The following ANK3 variants were observed in gnomAD, a reference collection of about 807,000 sequenced individuals.
The protein encoded by ANK3 is ankyrin-3.
ANK3 carries 57 observed loss-of-function variants against 370.9 expected under a neutral mutation model. The observed-to-expected ratio is 0.15, with a 90% CI of 0.12 to 0.19. ANK3 has a LOEUF of 0.19. ANK3 is among the 10% of genes least tolerant of loss of function. The probability of loss-of-function intolerance (pLI) is 1.00; values close to 1 mark genes in which losing one functional copy is unlikely to be tolerated. For synonymous variants in ANK3, 1,929 were observed against 1,946.3 expected (o/e 0.99, Z 0.23); for missense variants, 4,439 against 5,302.1 (o/e 0.84, Z 5.06).
chr10:60,119,923 T>C (rs907922832), intron 25 of ANK3, among the ~76,000 whole-genome samples: 1 of 152,078 alleles, frequency 6.6e-6, no homozygotes, highest in African/African-American at 2.4e-5. Flanking sequence ...GCAATCTCTA[T>C]CAAAATAATG....
intron 2 of ANK3, among the ~76,000 whole-genome samples, chr10:60,589,669 A>C (rs1441082546): frequency 6.6e-6 from 1 of 152,220 alleles, no homozygotes; most frequent in Non-Finnish European, 1.5e-5. Flanking sequence ...AACTGGTTTA[A>C]AGAAAAAAAG....
chr10:60,502,829 A>AGAAG (rs71015802), intron 2 of ANK3, among the ~76,000 whole-genome samples: 108,997 of 149,168 alleles, frequency 0.73, 39,858 homozygotes, highest in South Asian at 0.88. Flanking sequence ...AAGAAAAGAA[A>AGAAG]GAAGGAGTAA....
At chr10:60,729,443 C>T (rs1450901536) in intron 1 of ANK3, among the ~76,000 whole-genome samples, 1 of 152,188 alleles carries the variant, frequency 6.6e-6, no homozygotes, top group Admixed American at 6.5e-5. Flanking sequence ...AATAGCCTTT[C>T]CAGTTTAGCA....
intron 27 of ANK3, chr10:60,108,318 C>T (rs772854931): frequency 1.3e-5 from 4 of 318,782 alleles, no homozygotes; most frequent in Middle Eastern, 4.0e-4. Flanking sequence ...GAAAGAGAAA[C>T]GAGAAGGGGA....
chr10:60,049,995 G>GTGAT (rs2077621994), intron 42 of ANK3, among the ~76,000 whole-genome samples: 2 of 152,150 alleles, frequency 1.3e-5, no homozygotes, highest in Non-Finnish European at 2.9e-5. Flanking sequence ...ACATTAGTAT[G>GTGAT]TGATATGTTA....
chr10:60,167,255 T>A (rs1591140689), intron 21 of ANK3, among the ~76,000 whole-genome samples: 1 of 152,342 alleles, frequency 6.6e-6, no homozygotes, highest in East Asian at 1.9e-4. Context: ...AGGTCTCGGC[T>A]GAAGAGAAGC....
intron 8 of ANK3, among the ~76,000 whole-genome samples, chr10:60,214,112 A>C (rs749454189): frequency 2.0e-5 from 3 of 152,156 alleles, no homozygotes; most frequent in African/African-American, 7.2e-5. Context: ...ATATATAAAA[A>C]GTTTTGTGAC....
At position 60,494,360 on chromosome 10, in the gene ANK3, A is replaced by G. The variant is rs189316113; in HGVS notation, c.96+120826T>C. Among the ~76,000 whole-genome samples, 5 of 152,324 alleles carry G rather than the reference A, an allele frequency of 3.3e-5. 1 individual carries two copies. The highest frequency in any genetic ancestry group is 1.2e-4 in the African/African-American group (5 of 41,586). On this transcript the variant is annotated intron_variant, in intron 2 of 43. Transcript: ENST00000373827. ...ATATGGAAAGACAAGCTTAAGAGAT[A>G]CATTATCTGACCTATGAAGGCACTG...
chr10:60,242,551 G>A (rs2097482123), intron 7 of ANK3, among the ~76,000 whole-genome samples: 1 of 152,096 alleles, frequency 6.6e-6, no homozygotes, highest in African/African-American at 2.4e-5. Context: ...TGTCTAGTGG[G>A]AAGCACATTT....
intron 2 of ANK3, among the ~76,000 whole-genome samples, chr10:60,606,697 G>A (rs973415354): frequency 3.9e-5 from 6 of 152,102 alleles, no homozygotes; most frequent in African/African-American, 1.2e-4. Flanking sequence ...AGGGAGCATG[G>A]AATTCACAGA....
chr10:60,136,630 T>C (rs772871977), intron 24 of ANK3, among the ~76,000 whole-genome samples: 2 of 152,200 alleles, frequency 1.3e-5, no homozygotes, highest in Non-Finnish European at 2.9e-5. Context: ...CTCCTTCTTT[T>C]AATTTCTCTA....
In ANK3 at chr10:60,202,066, A is replaced by G. The variant is rs571886485; in HGVS notation, c.1392+936T>C. 5.9e-5 allele frequency among the ~76,000 whole-genome samples: 9 copies of G among 151,774 alleles called. No homozygotes were observed. In the South Asian group the frequency reaches 1.9e-3, roughly 32 times the overall value. On this transcript the variant is annotated intron_variant, in intron 12 of 43. Transcript: ENST00000280772. ...ATAGTATCTAAACAACCTCTCCAAC[A>G]TGCGGTACTTTTTAATGTTTTTGTT...
rs760839369 is a variant in ANK3 at position 60,486,084 on chromosome 10, T to C, written c.96+129102A>G. 2.2e-3 allele frequency among the ~76,000 whole-genome samples: 330 copies of C among 152,304 alleles called. 1 individual carries two copies. Among genetic ancestry groups the C allele is most frequent in the Non-Finnish European group, 3.5e-3 (239 of 68,036 alleles). ...GTTTCATAGGCTGATGCTCCAGTTT[T>C]ACCAACTGGCAAGAGACTGACCCAC... On this transcript the variant is annotated intron_variant, in intron 2 of 43. Transcript: ENST00000373827.
intron 7 of ANK3, among the ~76,000 whole-genome samples, chr10:60,237,603 T>C (rs1032129263): frequency 6.6e-6 from 1 of 151,996 alleles, no homozygotes; most frequent in Non-Finnish European, 1.5e-5. Flanking sequence ...TTTTCTCTTT[T>C]TTTTAAATTT....
At chr10:60,037,440 C>G (rs1218743747) in intron 43 of ANK3, among the ~76,000 whole-genome samples, 9 of 150,974 alleles carry the variant, frequency 6.0e-5, no homozygotes, top group African/African-American at 2.2e-4. Flanking sequence ...TTTTTCCTCT[C>G]CTCTCCCCTC....
intron 2 of ANK3, among the ~76,000 whole-genome samples, chr10:60,493,154 A>G (rs2075567776): frequency 6.6e-6 from 1 of 152,044 alleles, no homozygotes; most frequent in Non-Finnish European, 1.5e-5. Context: ...TGGGAAAGGC[A>G]CGACTCATTT....
intron 23 of ANK3, among the ~76,000 whole-genome samples, chr10:60,161,214 T>C (rs1406139449): frequency 3.3e-5 from 5 of 151,906 alleles, no homozygotes; most frequent in Admixed American, 1.3e-4. Flanking sequence ...AATCAACATA[T>C]AAAAATCAGT....
At chr10:60,725,047 G>A (rs947749197) in intron 1 of ANK3, among the ~76,000 whole-genome samples, 1 of 152,076 alleles carries the variant, frequency 6.6e-6, no homozygotes, top group African/African-American at 2.4e-5. Flanking sequence ...CCATTCTAAC[G>A]TGTTTAAGGA....
intron 18 of ANK3, among the ~76,000 whole-genome samples, chr10:60,177,017 C>A (rs1458842244): frequency 6.6e-6 from 1 of 152,038 alleles, no homozygotes. Context: ...TACATTTCAC[C>A]ATCTCCACTG....
Sources: allele counts gnomAD v4.1 joint callset (sites outside exome capture counted in the v4.1 genomes callset), GRCh38; gene constraint gnomAD v4.1.1; transcripts MANE v1.5; gene names NCBI Gene and HGNC (gene_info 2026-07-23, HGNC 2026-07-21).